The following NKAIN3 variants were observed in gnomAD, a reference collection of about 807,000 sequenced individuals.
NKAIN3 encodes the protein sodium/potassium-transporting ATPase subunit beta-1-interacting protein 3.
A neutral mutation model predicts 30.2 loss-of-function variants in NKAIN3; 25 were observed. The ratio of observed to expected loss-of-function variants is 0.83; its 90% CI spans 0.60 to 1.16. The LOEUF (loss-of-function observed/expected upper bound fraction) is 1.16, where lower values mean the gene tolerates loss of function less well. Among genes scored for constraint, NKAIN3 ranks in the 50% most tolerant of loss-of-function variants. NKAIN3 has a pLI of 0.00. For missense variants in NKAIN3, 225 were observed against 254.1 expected, an observed-to-expected ratio of 0.89 and a Z score of 0.78; for synonymous variants, 91 against 89.6, an observed-to-expected ratio of 1.02 and a Z score of -0.09.
chr8:62,700,527 T>C (rs1256808704), intron 3 of NKAIN3, among the ~76,000 whole-genome samples: 1 of 152,236 alleles, frequency 6.6e-6, no homozygotes, highest in African/African-American at 2.4e-5. Flanking sequence ...ATATAATCTC[T>C]TTTTCCATTC....
At chr8:62,743,139 CATGT>C (rs1370561679) in intron 3 of NKAIN3, among the ~76,000 whole-genome samples, 1 of 152,154 alleles carries the variant, frequency 6.6e-6, no homozygotes, top group Non-Finnish European at 1.5e-5. Flanking sequence ...TTATATCACC[CATGT>C]ATTTCAAAAC....
At chr8:62,543,041 A>G (rs971564656) in intron 1 of NKAIN3, among the ~76,000 whole-genome samples, 5 of 152,148 alleles carry the variant, frequency 3.3e-5, no homozygotes, top group African/African-American at 1.2e-4. Flanking sequence ...ATCTATACTC[A>G]TAATTGCAAG....
At chr8:62,610,818 T>C (rs1811265025) in intron 3 of NKAIN3, among the ~76,000 whole-genome samples, 1 of 152,136 alleles carries the variant, frequency 6.6e-6, no homozygotes, top group Non-Finnish European at 1.5e-5. Flanking sequence ...CAAGATTCTG[T>C]TCATTGTTCT....
At chr8:62,355,297 G>C (rs1191701200) in intron 1 of NKAIN3, among the ~76,000 whole-genome samples, 2 of 152,164 alleles carry the variant, frequency 1.3e-5, no homozygotes, top group Admixed American at 1.3e-4. Flanking sequence ...CCATTGGAGA[G>C]GCAAACTTTG....
chr8:62,731,545 C>T (rs1320436191), intron 3 of NKAIN3, among the ~76,000 whole-genome samples: 2 of 152,078 alleles, frequency 1.3e-5, no homozygotes, highest in South Asian at 2.1e-4. Flanking sequence ...CCAATGTGAC[C>T]TCTCATCAGC....
At chr8:62,702,228 T>G (rs1814362257) in intron 3 of NKAIN3, among the ~76,000 whole-genome samples, 1 of 152,206 alleles carries the variant, frequency 6.6e-6, no homozygotes. Flanking sequence ...TCGAAGAATT[T>G]GAGTATGTCA....
In NKAIN3 at chr8:62,255,059, AGAATGT is replaced by A. The variant is rs997468503; in HGVS notation, c.54+5935_54+5940del. ...TTGAAGTCCTAACTCCCCATACCTCAGAATGTGATTTTATTTGGAAATGTGGTTTTT... is the reference window on the plus strand; with the variant it reads ...TTGAAGTCCTAACTCCCCATACCTCAGATTTTATTTGGAAATGTGGTTTTT... On this transcript the variant is annotated intron_variant, in intron 1 of 6. Coordinates refer to ENST00000623646, the MANE Select transcript of NKAIN3 (RefSeq NM_001304533.3). 3.9e-5 allele frequency among the ~76,000 whole-genome samples: 6 copies of A among 152,308 alleles called. 1 individual carries two copies. Among genetic ancestry groups the A allele is most frequent in the Admixed American group, 6.5e-5 (1 of 15,308 alleles).
intron 4 of NKAIN3, among the ~76,000 whole-genome samples, chr8:62,765,471 C>A (rs1290526328): frequency 6.6e-6 from 1 of 151,876 alleles, no homozygotes; most frequent in African/African-American, 2.4e-5. Context: ...AATTCACCTG[C>A]CCCTAATCTA....
At chr8:62,671,537 T>G (rs1303117383) in intron 3 of NKAIN3, among the ~76,000 whole-genome samples, 3 of 152,194 alleles carry the variant, frequency 2.0e-5, no homozygotes, top group Admixed American at 6.6e-5. Flanking sequence ...TTTTATTACT[T>G]TCCTAGATTT....
At chr8:62,371,034 GTAACT>G (rs1816892289) in intron 1 of NKAIN3, among the ~76,000 whole-genome samples, 1 of 151,906 alleles carries the variant, frequency 6.6e-6, no homozygotes, top group Non-Finnish European at 1.5e-5. Context: ...GAGTCATAGA[GTAACT>G]TAACTTACCC....
At chr8:62,946,970 T>C (rs1585609635) in intron 5 of NKAIN3, among the ~76,000 whole-genome samples, 1 of 152,192 alleles carries the variant, frequency 6.6e-6, no homozygotes, top group East Asian at 1.9e-4. Flanking sequence ...TAGTTAAACC[T>C]GGGACATAAA....
chr8:62,394,634 A>G (rs13255362), intron 1 of NKAIN3, among the ~76,000 whole-genome samples: 225 of 37,900 alleles, frequency 5.9e-3, no homozygotes, highest in East Asian at 0.025. Context: ...TGGTGGCCAG[A>G]CAGAGGTGCT....
chr8:62,589,667 C>A, intron 2 of NKAIN3, 47 bp from the exon 3 acceptor site: 2 of 817,848 alleles, frequency 2.4e-6, no homozygotes, highest in South Asian at 1.6e-5. Context: ...ACATGCCTTT[C>A]ATCTCCATAT....
At chr8:62,649,208 T>C (rs1368652955) in intron 3 of NKAIN3, among the ~76,000 whole-genome samples, 4 of 152,194 alleles carry the variant, frequency 2.6e-5, no homozygotes, top group Non-Finnish European at 4.4e-5. Flanking sequence ...GTAATGTCTA[T>C]TGTGGATTCC....
intron 4 of NKAIN3, among the ~76,000 whole-genome samples, chr8:62,833,432 A>G (rs1819258128): frequency 6.6e-6 from 1 of 152,000 alleles, no homozygotes; most frequent in South Asian, 2.1e-4. Flanking sequence ...CACTAGCTAG[A>G]TTAACAAAGA....
At chr8:62,616,118 G>A (rs1340490537) in intron 3 of NKAIN3, among the ~76,000 whole-genome samples, 1 of 151,928 alleles carries the variant, frequency 6.6e-6, no homozygotes, top group African/African-American at 2.4e-5. Flanking sequence ...TTTTATTGTT[G>A]GGAAAATTCT....
chr8:62,901,104 G>A (rs1209010767), intron 4 of NKAIN3, among the ~76,000 whole-genome samples: 1 of 152,172 alleles, frequency 6.6e-6, no homozygotes, highest in Non-Finnish European at 1.5e-5. Flanking sequence ...GGAGGATGTA[G>A]GAGCACAATA....
chr8:62,474,422 T>G (rs1806449499), intron 1 of NKAIN3, among the ~76,000 whole-genome samples: 1 of 152,130 alleles, frequency 6.6e-6, no homozygotes, highest in Non-Finnish European at 1.5e-5. Flanking sequence ...GGCAGGTCAC[T>G]TTTGAATCTG....
chr8:62,561,164 A>G (rs1585948138), intron 1 of NKAIN3, among the ~76,000 whole-genome samples: 2 of 152,210 alleles, frequency 1.3e-5, no homozygotes, highest in East Asian at 1.9e-4. Flanking sequence ...TGAGTTACCA[A>G]TTTTACCTCT....
Sources: gnomAD v4.1 joint callset for allele counts (sites outside exome capture counted in the v4.1 genomes callset) on GRCh38, gnomAD v4.1.1 for gene constraint, MANE v1.5 for transcripts, NCBI Gene and HGNC (gene_info 2026-07-23, HGNC 2026-07-21) for gene names.